The following SPRED2 variants were observed in gnomAD, a reference collection of about 807,000 sequenced individuals.
SPRED2 encodes the protein sprouty-related, EVH1 domain-containing protein 2.
Under a neutral mutation model 43.0 loss-of-function variants are expected in SPRED2, and 47 were observed. The ratio of observed to expected loss-of-function variants is 1.09; its 90% CI spans 0.87 to 1.40. The LOEUF (loss-of-function observed/expected upper bound fraction) is 1.40. Among genes scored for constraint, SPRED2 ranks in the 40% most tolerant of loss-of-function variants. The probability of loss-of-function intolerance (pLI) is 0.00; values close to 1 mark genes in which losing one functional copy is unlikely to be tolerated. For missense variants in SPRED2, 561 were observed against 586.4 expected (o/e 0.96, Z 0.45); for synonymous variants, 225 against 225.7 (o/e 1.00, Z 0.03).
chr2:65,393,598 G>C (rs535144872), intron 1 of SPRED2, among the ~76,000 whole-genome samples: 27 of 152,268 alleles, frequency 1.8e-4, no homozygotes, highest in Admixed American at 1.4e-3. Flanking sequence ...GCCTCCCAAA[G>C]TGCTAGGATT....
intron 1 of SPRED2, among the ~76,000 whole-genome samples, chr2:65,367,015 C>G (rs1674996503): frequency 6.6e-6 from 1 of 152,176 alleles, no homozygotes; most frequent in Non-Finnish European, 1.5e-5. Flanking sequence ...TGGAGAACCA[C>G]AAGTGCAAAT....
Position 65,395,496 on chromosome 2 carries a change from A to T in SPRED2, c.26+36466T>A, listed in dbSNP as rs1267666348. Among the ~76,000 whole-genome samples the T allele has an allele frequency of 3.9e-5, 6 of 151,940 alleles. No homozygotes were observed. The East Asian group carries it at 7.7e-4, about 20-fold the overall frequency. On this transcript the variant is annotated intron_variant, in intron 1 of 5. Coordinates refer to ENST00000356388, the MANE Select transcript of SPRED2 (RefSeq NM_181784.3). Reference sequence around the variant, plus strand: ...GCTGAACCCCAACTCCCTCACACTCATCCATTCCTTTCTACCACACCCCGC... The same window carrying T: ...GCTGAACCCCAACTCCCTCACACTCTTCCATTCCTTTCTACCACACCCCGC...
chr2:65,325,092 A>G (rs1031161545), intron 4 of SPRED2, among the ~76,000 whole-genome samples: 1 of 152,200 alleles, frequency 6.6e-6, no homozygotes, highest in South Asian at 2.1e-4. Flanking sequence ...CATCCAGTAC[A>G]TGGGTGAGAC....
At chr2:65,363,278 C>A (rs916865516) in intron 1 of SPRED2, among the ~76,000 whole-genome samples, 1 of 150,722 alleles carries the variant, frequency 6.6e-6, no homozygotes. Context: ...ACTGGGAATG[C>A]GCACGGTTTC....
chr2:65,416,006 G>A (rs1352927979), intron 1 of SPRED2, among the ~76,000 whole-genome samples: 3 of 152,182 alleles, frequency 2.0e-5, no homozygotes, highest in Non-Finnish European at 4.4e-5. Context: ...AGAGAGAGAG[G>A]AGGATCTTTA....
intron 1 of SPRED2, among the ~76,000 whole-genome samples, chr2:65,411,197 C>T (rs1676150425): frequency 6.6e-6 from 1 of 152,170 alleles, no homozygotes; most frequent in African/African-American, 2.4e-5. Context: ...TCATTTAATC[C>T]TCCAGCAATC....
At chr2:65,386,177 C>T (rs757511540) in intron 1 of SPRED2, among the ~76,000 whole-genome samples, 3 of 148,356 alleles carry the variant, frequency 2.0e-5, no homozygotes, top group Non-Finnish European at 4.5e-5. Flanking sequence ...CCTAGCTACT[C>T]GGGAGGCTGA....
At chr2:65,330,415 G>A (rs984846308) in intron 4 of SPRED2, among the ~76,000 whole-genome samples, 128 of 152,216 alleles carry the variant, frequency 8.4e-4, no homozygotes, top group Admixed American at 2.4e-3. Context: ...CTAAGGGATC[G>A]TAATGGTGGT....
intron 1 of SPRED2, among the ~76,000 whole-genome samples, chr2:65,392,666 G>C (rs1421014286): frequency 6.6e-6 from 1 of 152,202 alleles, no homozygotes; most frequent in Non-Finnish European, 1.5e-5. Flanking sequence ...CAATGGAGTT[G>C]TGTTGAAATG....
intron 1 of SPRED2, among the ~76,000 whole-genome samples, chr2:65,429,923 C>T (rs780695914): frequency 6.6e-6 from 1 of 152,154 alleles, no homozygotes. Flanking sequence ...TGATCCCACT[C>T]GAAATCCTTC....
intron 1 of SPRED2, among the ~76,000 whole-genome samples, chr2:65,431,414 C>T (rs942060696): frequency 6.6e-6 from 1 of 151,926 alleles, no homozygotes; most frequent in Admixed American, 6.6e-5. Flanking sequence ...CACCAGACCC[C>T]CGCGCAGCCC....
intron 1 of SPRED2, among the ~76,000 whole-genome samples, chr2:65,400,979 T>C (rs1304776081): frequency 6.6e-6 from 1 of 152,022 alleles, no homozygotes; most frequent in East Asian, 1.9e-4. Context: ...TTTTTATTAG[T>C]TTTTTTGAGA....
At position 65,396,593 on chromosome 2, in the gene SPRED2, C is replaced by G. The variant is rs550511727; in HGVS notation, c.26+35369G>C. 3.0e-3 allele frequency among the ~76,000 whole-genome samples: 464 copies of G among 152,300 alleles called. 1 individual carries two copies. Among genetic ancestry groups the G allele is most frequent in the Non-Finnish European group, 5.6e-3 (381 of 68,018 alleles). On this transcript the variant is annotated intron_variant, in intron 1 of 5. Coordinates refer to ENST00000356388, the MANE Select transcript of SPRED2 (RefSeq NM_181784.3). ...TTCCAAGCTTTGAAGACTACGGAAC[C>G]AGCACTGTAGTATAACTGAGCAACA... is the stretch of plus-strand genomic sequence containing the variant.
At chr2:65,431,094 C>G (rs1390108705) in intron 1 of SPRED2, among the ~76,000 whole-genome samples, 1 of 152,140 alleles carries the variant, frequency 6.6e-6, no homozygotes, top group Admixed American at 6.5e-5. Flanking sequence ...GGGCTGGCGA[C>G]AGTCACGGGT....
intron 1 of SPRED2, among the ~76,000 whole-genome samples, chr2:65,365,264 A>G (rs1674941132): frequency 6.6e-6 from 1 of 152,230 alleles, no homozygotes; most frequent in Non-Finnish European, 1.5e-5. Flanking sequence ...ATGCAAAATT[A>G]ATGAAATTTA....
chr2:65,403,037 T>C (rs1316333359), intron 1 of SPRED2, among the ~76,000 whole-genome samples: 2 of 152,200 alleles, frequency 1.3e-5, no homozygotes, highest in Non-Finnish European at 2.9e-5. Flanking sequence ...TAACATTTGA[T>C]TTACATCCAA....
chr2:65,352,210 T>C (rs1421131775), intron 1 of SPRED2, among the ~76,000 whole-genome samples: 5 of 152,264 alleles, frequency 3.3e-5, no homozygotes, highest in Non-Finnish European at 7.3e-5. Context: ...CCATCAGCTC[T>C]TCTCTCAAAC....
At chr2:65,375,935 G>T (rs1221091036) in intron 1 of SPRED2, among the ~76,000 whole-genome samples, 1 of 152,172 alleles carries the variant, frequency 6.6e-6, no homozygotes, top group Non-Finnish European at 1.5e-5. Flanking sequence ...AAGCTACCAG[G>T]GTGGGACCAG....
At chr2:65,343,789 C>G (rs75825251) in intron 2 of SPRED2, among the ~76,000 whole-genome samples, 1,818 of 152,224 alleles carry the variant, frequency 0.012, 34 homozygotes, top group African/African-American at 0.04. Flanking sequence ...AAGTGTCAAT[C>G]CCCCACCCTT....
Sources: allele counts gnomAD v4.1 joint callset (sites outside exome capture counted in the v4.1 genomes callset), GRCh38; gene constraint gnomAD v4.1.1; transcripts MANE v1.5; gene names NCBI Gene and HGNC (gene_info 2026-07-23, HGNC 2026-07-21).